SH3KBP1: variants seen among roughly 807,000 people sequenced by gnomAD.
SH3KBP1 encodes the protein SH3 domain containing kinase binding protein 1.
SH3KBP1 carries 8 observed loss-of-function variants against 50.1 expected under a neutral mutation model. The observed-to-expected ratio is 0.16, with a 90% CI of 0.09 to 0.29. The LOEUF (loss-of-function observed/expected upper bound fraction) is 0.29. SH3KBP1 is among the 10% of genes least tolerant of loss of function. The probability of loss-of-function intolerance (pLI) is 1.00; values close to 1 mark genes in which losing one functional copy is unlikely to be tolerated. For missense variants in SH3KBP1, 377 were observed against 535.2 expected (o/e 0.70, Z 2.92); for synonymous variants, 227 against 218.6 (o/e 1.04, Z -0.34).
chrX:19,704,126 C>T (rs975449769), intron 4 of SH3KBP1, among the ~76,000 whole-genome samples: 3 of 112,031 alleles, frequency 2.7e-5, no homozygotes, highest in African/African-American at 9.7e-5. Flanking sequence ...CCAGCCTTTA[C>T]GTTTTGTTTT....
intron 6 of SH3KBP1, among the ~76,000 whole-genome samples, chrX:19,652,905 A>G (rs779611861): frequency 8.9e-6 from 1 of 112,248 alleles, no homozygotes; most frequent in East Asian, 2.8e-4. Context: ...TTTCAGATTT[A>G]TCTCCTTCCT....
chrX:19,730,024 A>G (rs2064330288), intron 3 of SH3KBP1, among the ~76,000 whole-genome samples: 1 of 111,326 alleles, frequency 9.0e-6, no homozygotes, highest in Non-Finnish European at 1.9e-5. Flanking sequence ...CTTTTTGTAC[A>G]TAGTTTCAAC....
Position 19,817,928 on chromosome X carries a change from C to A in SH3KBP1, c.162+18197G>T, listed in dbSNP as rs900036810. ...GGGATTACAGGTGTGAGCCACAGTG[C>A]CCAGCCAATATTTAGATATGTTTAG... is the stretch of plus-strand genomic sequence containing the variant. On this transcript the variant is annotated intron_variant, in intron 2 of 17. Transcript: ENST00000397821. Among the ~76,000 whole-genome samples, 4 of 112,229 alleles carry A rather than the reference C, an allele frequency of 3.6e-5. No homozygotes were observed. In the Admixed American group the frequency reaches 3.8e-4, roughly 11 times the overall value.
At chrX:19,595,539 T>C (rs968188098) in intron 9 of SH3KBP1, among the ~76,000 whole-genome samples, 1 of 111,732 alleles carries the variant, frequency 8.9e-6, no homozygotes, top group Non-Finnish European at 1.9e-5. Flanking sequence ...TCATTGTACA[T>C]GTGATAAACT....
intron 1 of SH3KBP1, among the ~76,000 whole-genome samples, chrX:19,872,833 T>TCA (rs774471891): frequency 0.074 from 7,084 of 96,321 alleles, 320 homozygotes; most frequent in African/African-American, 0.15. Flanking sequence ...TCTCTCTCTC[T>TCA]CACACACACA....
At chrX:19,586,655 G>A (rs1261306511) in intron 12 of SH3KBP1, among the ~76,000 whole-genome samples, 1 of 111,044 alleles carries the variant, frequency 9.0e-6, no homozygotes, top group African/African-American at 3.3e-5. Flanking sequence ...CTCAACAGGG[G>A]GTGTCACATG....
At chrX:19,558,991 G>A (rs1330677042) in intron 13 of SH3KBP1, among the ~76,000 whole-genome samples, 2 of 110,942 alleles carry the variant, frequency 1.8e-5, no homozygotes, top group African/African-American at 6.6e-5. Context: ...ATGGAGGCTG[G>A]GTGTGGTGGC....
At chrX:19,749,905 C>T (rs1226224913) in intron 2 of SH3KBP1, among the ~76,000 whole-genome samples, 1 of 111,949 alleles carries the variant, frequency 8.9e-6, no homozygotes, top group African/African-American at 3.3e-5. Context: ...CCAAACCCCG[C>T]TCTAAGAGCT....
intron 1 of SH3KBP1, among the ~76,000 whole-genome samples, chrX:19,875,843 G>A (rs1010404954): frequency 2.7e-5 from 3 of 112,654 alleles, no homozygotes; most frequent in African/African-American, 9.7e-5. Flanking sequence ...CATGGCCAGA[G>A]GGCACACTGG....
rs59044973 is a variant in SH3KBP1, at chrX:19,682,333, T to TACACACACACACACAC, written c.726+1474_726+1489dup. On this transcript the variant is annotated intron_variant, in intron 6 of 17. Transcript: ENST00000397821. Reference sequence around the variant, plus strand: ...ATATTAATAGCAATAATAAGAGTCATACACACACACACACACACACACACA... The same window carrying TACACACACACACACAC: ...ATATTAATAGCAATAATAAGAGTCATACACACACACACACACACACACACACACACACACACACACA... Among the ~76,000 whole-genome samples, 81 of 75,905 alleles carry TACACACACACACACAC rather than the reference T, an allele frequency of 1.1e-3. 1 individual carries two copies. The highest frequency in any genetic ancestry group is 3.4e-3 in the African/African-American group (71 of 20,945). 65.9% of individuals were successfully genotyped at this position (75,905 alleles called of 115,157 possible).
chrX:19,678,337 A>C (rs901973359), intron 6 of SH3KBP1, among the ~76,000 whole-genome samples: 1 of 107,601 alleles, frequency 9.3e-6, no homozygotes, highest in Admixed American at 1.0e-4. Context: ...ATCTCAATCA[A>C]AATTCCAGGA....
intron 6 of SH3KBP1, among the ~76,000 whole-genome samples, chrX:19,676,883 T>C (rs761017993): frequency 8.9e-6 from 1 of 112,049 alleles, no homozygotes; most frequent in African/African-American, 3.2e-5. Context: ...CAACGCCTTG[T>C]AGAAAGTGTA....
At chrX:19,555,844 C>T (rs960466869) in intron 13 of SH3KBP1, among the ~76,000 whole-genome samples, 1 of 111,718 alleles carries the variant, frequency 9.0e-6, no homozygotes, top group South Asian at 3.7e-4. Flanking sequence ...ACAACTGAGG[C>T]GTCTTCCAAG....
chrX:19,669,246 A>G (rs1263641077), intron 6 of SH3KBP1, among the ~76,000 whole-genome samples: 1 of 104,743 alleles, frequency 9.5e-6, no homozygotes, highest in East Asian at 3.0e-4. Context: ...GATTACAAGC[A>G]TTAGCCACTG....
At chrX:19,661,106 G>A (rs748449157) in intron 6 of SH3KBP1, among the ~76,000 whole-genome samples, 1 of 113,100 alleles carries the variant, frequency 8.8e-6, no homozygotes, top group Non-Finnish European at 1.9e-5. Flanking sequence ...ATCCTATAGG[G>A]AGTACATTAA....
At chrX:19,655,398 A>G (rs748385236) in intron 6 of SH3KBP1, among the ~76,000 whole-genome samples, 1 of 111,829 alleles carries the variant, frequency 8.9e-6, no homozygotes, top group Non-Finnish European at 1.9e-5. Context: ...TCACAATAGC[A>G]AAGTCATGGA....
chrX:19,821,622 A>G (rs2067530128), intron 2 of SH3KBP1, among the ~76,000 whole-genome samples: 1 of 109,865 alleles, frequency 9.1e-6, no homozygotes, highest in African/African-American at 3.3e-5. Context: ...TCCCCCTCCC[A>G]GGTTCACGCC....
chrX:19,711,018 G>C (rs760973696), intron 3 of SH3KBP1, among the ~76,000 whole-genome samples: 2 of 111,230 alleles, frequency 1.8e-5, no homozygotes, highest in Non-Finnish European at 3.8e-5. Context: ...TGAACCTCTG[G>C]GGTAGATTAC....
chrX:19,563,655 G>A (rs988173855), intron 13 of SH3KBP1, among the ~76,000 whole-genome samples: 2 of 112,295 alleles, frequency 1.8e-5, no homozygotes, highest in African/African-American at 6.5e-5. Flanking sequence ...GTTTGATCAC[G>A]ATTTGTGTCC....
Sources: gnomAD v4.1 joint callset for allele counts (sites outside exome capture counted in the v4.1 genomes callset) on GRCh38, gnomAD v4.1.1 for gene constraint, MANE v1.5 for transcripts, NCBI Gene and HGNC (gene_info 2026-07-23, HGNC 2026-07-21) for gene names.